The following TSHZ2 variants were observed in gnomAD, a reference collection of about 807,000 sequenced individuals.
TSHZ2 encodes the protein teashirt zinc finger homeobox 2, also known as teashirt homolog 2.
In TSHZ2, 21 loss-of-function variants were observed where a neutral mutation model predicts 74.4. The ratio of observed to expected loss-of-function variants is 0.28; its 90% confidence interval spans 0.20 to 0.41. The LOEUF (loss-of-function observed/expected upper bound fraction) is 0.41. Among genes scored for constraint, TSHZ2 ranks in the 10% least tolerant of loss-of-function variants. TSHZ2 has a pLI of 1.00. For synonymous variants in TSHZ2, 540 were observed against 515.3 expected (o/e 1.05, Z -0.65); for missense variants, 1,244 against 1,293.5 (o/e 0.96, Z 0.59).
At chr20:53,129,220 C>A (rs1340637895) in intron 1 of TSHZ2, among the ~76,000 whole-genome samples, 2 of 152,086 alleles carry the variant, frequency 1.3e-5, no homozygotes, top group East Asian at 3.9e-4. Flanking sequence ...TCCCAAATTT[C>A]AGTTATTTGC....
intron 1 of TSHZ2, among the ~76,000 whole-genome samples, chr20:53,201,455 C>G (rs1989002574): frequency 1.3e-5 from 2 of 152,170 alleles, no homozygotes; most frequent in Admixed American, 6.5e-5. Flanking sequence ...TGTCGTATCA[C>G]CTTCCCTGAC....
intron 1 of TSHZ2, among the ~76,000 whole-genome samples, chr20:53,049,488 C>T (rs948785301): frequency 6.6e-6 from 1 of 152,150 alleles, no homozygotes; most frequent in African/African-American, 2.4e-5. Flanking sequence ...CACATCCCAT[C>T]CCCAGTGACG....
intron 1 of TSHZ2, among the ~76,000 whole-genome samples, chr20:53,200,445 G>C (rs1988975740): frequency 6.6e-6 from 1 of 152,192 alleles, no homozygotes; most frequent in Non-Finnish European, 1.5e-5. Flanking sequence ...TTGGAAACTT[G>C]AACTTTGAGT....
At chr20:53,023,841 A>G (rs965272848) in intron 1 of TSHZ2, among the ~76,000 whole-genome samples, 7 of 152,230 alleles carry the variant, frequency 4.6e-5, no homozygotes, top group East Asian at 1.9e-4. Context: ...CAAATTGTCC[A>G]CTGAAACGCA....
intron 1 of TSHZ2, among the ~76,000 whole-genome samples, chr20:53,084,022 A>T (rs1004228046): frequency 1.3e-5 from 2 of 152,178 alleles, no homozygotes; most frequent in African/African-American, 4.8e-5. Context: ...AAATTAAATA[A>T]GATAACATAG....
chr20:52,996,446 T>C (rs1193259562), intron 1 of TSHZ2, among the ~76,000 whole-genome samples: 1 of 152,020 alleles, frequency 6.6e-6, no homozygotes, highest in East Asian at 1.9e-4. Context: ...GTGGTGAGGT[T>C]GAACAGGAGG....
rs184634889 is a variant in TSHZ2, at chr20:53,428,787, G to A, written c.*9-58357G>A. On this transcript the variant is annotated intron_variant, in intron 2 of 2. Transcript: ENST00000371497. ...TTCCACATCATGCCCCCACAGAGCC[G>A]TCTCATTCCTGGAATCATAAAAATG... Among the ~76,000 whole-genome samples, 7 of 152,234 alleles carry A rather than the reference G, an allele frequency of 4.6e-5. No homozygotes were observed. The East Asian group carries it at 5.8e-4, about 13-fold the overall frequency.
chr20:53,035,837 T>A (rs1983798987), intron 1 of TSHZ2, among the ~76,000 whole-genome samples: 1 of 152,188 alleles, frequency 6.6e-6, no homozygotes. Flanking sequence ...ATCACTTTTA[T>A]ACTACAAAGA....
intron 2 of TSHZ2, among the ~76,000 whole-genome samples, chr20:53,445,026 A>G (rs1984497854): frequency 6.6e-6 from 1 of 152,204 alleles, no homozygotes; most frequent in African/African-American, 2.4e-5. Context: ...AAACTTGAAT[A>G]AAACACATGC....
intron 1 of TSHZ2, among the ~76,000 whole-genome samples, chr20:52,997,798 A>T (rs117813623): frequency 6.6e-6 from 1 of 152,206 alleles, no homozygotes; most frequent in African/African-American, 2.4e-5. Flanking sequence ...TTGCTCTGTG[A>T]TAACTGCAAA....
intron 2 of TSHZ2, among the ~76,000 whole-genome samples, chr20:53,302,912 G>A (rs974614186): frequency 2.0e-5 from 3 of 152,132 alleles, no homozygotes; most frequent in African/African-American, 7.2e-5. Flanking sequence ...CACCCTCCAC[G>A]GCCAAGGTGG....
chr20:53,353,351 A>G (rs980310849), intron 2 of TSHZ2, among the ~76,000 whole-genome samples: 9 of 152,180 alleles, frequency 5.9e-5, no homozygotes, highest in Non-Finnish European at 1.0e-4. Flanking sequence ...CCCATTCTCA[A>G]TATTTTGTTT....
chr20:53,062,213 T>C (rs1252606880), intron 1 of TSHZ2, among the ~76,000 whole-genome samples: 1 of 152,148 alleles, frequency 6.6e-6, no homozygotes, highest in Non-Finnish European at 1.5e-5. Context: ...GGAAATTAAT[T>C]GTGCCTTCCC....
intron 2 of TSHZ2, among the ~76,000 whole-genome samples, chr20:53,270,949 T>C (rs967092244): frequency 6.6e-6 from 1 of 152,092 alleles, no homozygotes; most frequent in Non-Finnish European, 1.5e-5. Context: ...CCTCCACTTT[T>C]CCCCCTGCTG....
intron 2 of TSHZ2, chr20:53,398,263 A>G (rs889603136): frequency 6.6e-6 from 1 of 152,228 alleles, no homozygotes; most frequent in African/African-American, 2.4e-5. Context: ...ACTCCCAGGT[A>G]TCAAGCAATC....
At chr20:53,389,525 C>T (rs1982173081) in intron 2 of TSHZ2, among the ~76,000 whole-genome samples, 1 of 152,136 alleles carries the variant, frequency 6.6e-6, no homozygotes, top group Non-Finnish European at 1.5e-5. Flanking sequence ...GGCAGAGTGG[C>T]CAAGACTAGC....
chr20:53,137,602 CTCAA>C, intron 1 of TSHZ2, among the ~76,000 whole-genome samples: 1 of 152,246 alleles, frequency 6.6e-6, no homozygotes, highest in African/African-American at 2.4e-5. Flanking sequence ...TGAAGTGGCC[CTCAA>C]ATGAGTCCCT....
chr20:53,340,825 A>G (rs1220979938), intron 2 of TSHZ2, among the ~76,000 whole-genome samples: 1 of 152,076 alleles, frequency 6.6e-6, no homozygotes, highest in Non-Finnish European at 1.5e-5. Flanking sequence ...TAATGGGACA[A>G]TCACCAAGCA....
At chr20:53,211,739 T>C (rs1568815593) in intron 1 of TSHZ2, among the ~76,000 whole-genome samples, 1 of 152,124 alleles carries the variant, frequency 6.6e-6, no homozygotes. Context: ...GAAGAACTTT[T>C]AATATTGAAA....
Sources: allele counts gnomAD v4.1 joint callset (sites outside exome capture counted in the v4.1 genomes callset), GRCh38; gene constraint gnomAD v4.1.1; transcripts MANE v1.5; gene names NCBI Gene and HGNC (gene_info 2026-07-23, HGNC 2026-07-21).